The following ANO5 variants were observed in gnomAD, a reference collection of about 807,000 sequenced individuals.
The protein encoded by ANO5 is anoctamin 5.
Under a neutral mutation model 121.0 loss-of-function variants are expected in ANO5, and 109 were observed. That is an observed-to-expected ratio of 0.90 (90% CI 0.77 to 1.06). The LOEUF (loss-of-function observed/expected upper bound fraction) is 1.06. Ranked by LOEUF, ANO5 falls within the 50% of genes least tolerant of loss-of-function variation. The probability of loss-of-function intolerance (pLI) is 0.00; values close to 1 mark genes in which losing one functional copy is unlikely to be tolerated. For missense variants in ANO5, 1,064 were observed against 1,078.5 expected (o/e 0.99, Z 0.19); for synonymous variants, 406 against 359.9 (o/e 1.13, Z -1.45).
chr11:22,200,238 A>T (rs10741929), intron 1 of ANO5, among the ~76,000 whole-genome samples: 1 of 151,918 alleles, frequency 6.6e-6, no homozygotes, highest in African/African-American at 2.4e-5. Flanking sequence ...AAATACTGTC[A>T]GGTGTTTTCC....
At chr11:22,268,845 G>A (rs565095746) in intron 17 of ANO5, among the ~76,000 whole-genome samples, 1 of 152,094 alleles carries the variant, frequency 6.6e-6, no homozygotes, top group African/African-American at 2.4e-5. Context: ...ATGGGACCCC[G>A]TCATGTGGAA....
Position 22,221,080 on chromosome 11 carries a change from A to C in ANO5, c.181-17A>C. On this transcript the variant is annotated splice_polypyrimidine_tract_variant and intron_variant, in intron 4 of 21. Transcript: ENST00000324559. ...TAAAACTATAATTTACAATTGTGTC[A>C]TTTATGTCTCCTGCAGTTTCAAAAA... 4 of 1,541,466 alleles carry C rather than the reference A, an allele frequency of 2.6e-6. No homozygotes were observed. Among genetic ancestry groups the C allele is most frequent in the Non-Finnish European group, 3.6e-6 (4 of 1,115,288 alleles).
intron 6 of ANO5, 148 bp downstream of exon 6, chr11:22,226,200 T>C (rs1252737148): frequency 4.5e-6 from 3 of 673,766 alleles, no homozygotes. Flanking sequence ...ATAGGGCCTG[T>C]GGTCTTACAG....
chr11:22,204,969 G>A (rs1852068211), intron 2 of ANO5, among the ~76,000 whole-genome samples: 1 of 152,032 alleles, frequency 6.6e-6, no homozygotes, highest in Admixed American at 6.6e-5. Context: ...ATGATAGATT[G>A]GATAAAGAAA....
At chr11:22,252,025 G>A (rs559967128) in intron 12 of ANO5, among the ~76,000 whole-genome samples, 732 of 60,108 alleles carry the variant, frequency 0.012, 8 homozygotes, top group South Asian at 0.055. Context: ...GCAAGACGCC[G>A]TCTCAAAAAA....
At chr11:22,194,429 C>G (rs1851746836) in intron 1 of ANO5, among the ~76,000 whole-genome samples, 1 of 152,162 alleles carries the variant, frequency 6.6e-6, no homozygotes, top group Non-Finnish European at 1.5e-5. Flanking sequence ...CCTCCTCGTT[C>G]CCTTTTTTAA....
intron 7 of ANO5, among the ~76,000 whole-genome samples, chr11:22,232,285 T>G (rs1462393230): frequency 6.6e-6 from 1 of 152,000 alleles, no homozygotes; most frequent in East Asian, 1.9e-4. Context: ...TAAATGAGAT[T>G]GATCTCCTTG....
In ANO5 at chr11:22,272,892, C is replaced by A. The variant is rs1487599092; in HGVS notation, c.2138C>A (p.Thr713Asn). The A allele has an allele frequency of 1.2e-6, 2 of 1,614,028 alleles. No individual in the cohort carries two copies. The highest frequency in any genetic ancestry group is 1.7e-5 in the Admixed American group (1 of 60,008). The change falls in exon 19 of 22, where the codon ACC (threonine) becomes AAC (asparagine). Residue 713 changes from threonine (T) to asparagine (N), a missense_variant. Thr to Asn is a moderately conservative substitution (Grantham distance 65). Transcript: ENST00000324559. ...ATTCGAGTGGATGCCTGGAAACTTA[C>A]CACTCAATACAGGAGAACTGTAGCT... is the stretch of plus-strand genomic sequence containing the variant. ...VEIRVDAWKL[T>N]TQYRRTVASK...
chr11:22,203,899 A>G (rs1218101539), intron 2 of ANO5, 49 bp downstream of exon 2: 1 of 1,266,766 alleles, frequency 7.9e-7, no homozygotes, highest in South Asian at 1.2e-5. Flanking sequence ...AGAATAAAAA[A>G]TCAAGATAAG....
At chr11:22,211,390 C>T (rs919089455) in intron 3 of ANO5, 76 bp downstream of exon 3, 47 of 1,451,018 alleles carry the variant, frequency 3.2e-5, no homozygotes, top group Non-Finnish European at 4.4e-5. Flanking sequence ...AATGATGATA[C>T]TCTTTTCCAG....
rs576088591 is a variant in ANO5 at position 22,274,654 on chromosome 11, C to A, written c.2321C>A (p.Thr774Lys). 1.9e-6 allele frequency: 3 copies of A among 1,613,424 alleles called. No homozygotes were observed. In the South Asian group the frequency reaches 3.3e-5, roughly 18 times the overall value. ...TCAACAAATGCCACACAGCCTATGA[C>A]AGGATATGTGAATAATAGCCTGTCA... Reference protein sequence around the residue: ...AYSTNATQPMTGYVNNSLSVF... With the variant: ...AYSTNATQPMKGYVNNSLSVF... The change falls in exon 20 of 22, where the codon ACA becomes AAA. Residue 774 changes from threonine (T) to lysine (K), a missense_variant. By Grantham distance (78) the Thr-to-Lys change is moderately conservative (BLOSUM62 -1). Coordinates refer to ENST00000324559, the MANE Select transcript of ANO5 (RefSeq NM_213599.3).
chr11:22,258,149 TCTTAACA>T (rs1854065515), intron 14 of ANO5, among the ~76,000 whole-genome samples: 1 of 152,170 alleles, frequency 6.6e-6, no homozygotes, highest in African/African-American at 2.4e-5. Flanking sequence ...ATGTGTTCCC[TCTTAACA>T]CTTAGCATCT....
Position 22,279,795 on chromosome 11 carries a change from T to G in ANO5, c.*30T>G. The G allele has an allele frequency of 6.3e-7, 1 of 1,574,976 alleles. No homozygotes were observed. Among genetic ancestry groups the G allele is most frequent in the African/African-American group, 1.3e-5 (1 of 74,106 alleles). On this transcript the variant is annotated 3_prime_UTR_variant, in exon 22 of 22. Transcript: ENST00000324559. ...TATAGTGAGGAAGCAGCAGGTGATC[T>G]GCCTTACTTCACTTTATCCTCTGGT...
At chr11:22,232,770 T>A (rs1853083203) in intron 7 of ANO5, among the ~76,000 whole-genome samples, 1 of 151,984 alleles carries the variant, frequency 6.6e-6, no homozygotes, top group Non-Finnish European at 1.5e-5. Context: ...TGTTTTACCA[T>A]GCCACCTTTT....
chr11:22,239,345 C>T (rs911931138), intron 8 of ANO5, among the ~76,000 whole-genome samples: 8 of 151,938 alleles, frequency 5.3e-5, no homozygotes, highest in Non-Finnish European at 1.0e-4. Context: ...TGAGTAAAGC[C>T]AAAGTCTTAT....
chr11:22,262,840 C>A, intron 16 of ANO5, 106 bp from the exon 17 acceptor site: 1 of 925,276 alleles, frequency 1.1e-6, no homozygotes, highest in East Asian at 2.5e-5. Flanking sequence ...CCCTTCCAAC[C>A]AAAACCTTTA....
intron 2 of ANO5, among the ~76,000 whole-genome samples, chr11:22,209,528 T>C (rs192812947): frequency 2.6e-5 from 4 of 151,886 alleles, no homozygotes; most frequent in Admixed American, 2.6e-4. Flanking sequence ...TTGTTATGTC[T>C]CCTATGTTTT....
At chr11:22,226,142 G>A (rs1852824937) in intron 6 of ANO5, 90 bp downstream of exon 6, 4 of 1,061,320 alleles carry the variant, frequency 3.8e-6, no homozygotes, top group African/African-American at 1.6e-5. Context: ...CTCTGTGTTT[G>A]GGGGCAATAC....
chr11:22,232,417 A>G (rs940637233), intron 7 of ANO5, among the ~76,000 whole-genome samples: 2 of 151,672 alleles, frequency 1.3e-5, no homozygotes, highest in Admixed American at 6.6e-5. Context: ...TATATTCTTG[A>G]TCTGAGTCCT....
Sources: gnomAD v4.1 joint callset for allele counts (sites outside exome capture counted in the v4.1 genomes callset) on GRCh38, gnomAD v4.1.1 for gene constraint, MANE v1.5 for transcripts, NCBI Gene and HGNC (gene_info 2026-07-23, HGNC 2026-07-21) for gene names.